Variants in GSKIP observed in about 807,000 individuals in gnomAD.
GSKIP encodes the protein GSK3B-interacting protein.
A neutral mutation model predicts 11.9 loss-of-function variants in GSKIP; 5 were observed. The observed-to-expected ratio is 0.42, with a 90% CI of 0.22 to 0.89. GSKIP has a LOEUF of 0.89. GSKIP is among the 40% of genes least tolerant of loss of function. GSKIP has a pLI of 0.29. For missense variants in GSKIP, 150 were observed against 166.6 expected (o/e 0.90, Z 0.55); for synonymous variants, 70 against 62.9 (o/e 1.11, Z -0.54).
chr14:96,377,002 A>G (rs1889220213), intron 1 of GSKIP, among the ~76,000 whole-genome samples: 1 of 152,202 alleles, frequency 6.6e-6, no homozygotes, highest in Non-Finnish European at 1.5e-5. Context: ...TGCTACTCAT[A>G]TATAAAGTTT....
At chr14:96,383,722 C>G (rs554079305) in intron 3 of GSKIP, among the ~76,000 whole-genome samples, 2 of 152,246 alleles carry the variant, frequency 1.3e-5, no homozygotes, top group African/African-American at 4.8e-5. Flanking sequence ...TCTGTACTAC[C>G]CTCAGTTCCC....
At chr14:96,367,864 G>T (rs1888935543) in intron 1 of GSKIP, among the ~76,000 whole-genome samples, 1 of 152,152 alleles carries the variant, frequency 6.6e-6, no homozygotes, top group Non-Finnish European at 1.5e-5. Context: ...AATAGCAATT[G>T]TCAAGTATTC....
chr14:96,380,914 G>A (rs189813182), intron 2 of GSKIP, among the ~76,000 whole-genome samples: 83 of 152,312 alleles, frequency 5.4e-4, no homozygotes, highest in South Asian at 1.2e-3. Context: ...TCTAACTCCA[G>A]TGTGGTGAGG....
At chr14:96,375,182 C>T (rs1274182589) in intron 1 of GSKIP, among the ~76,000 whole-genome samples, 1 of 151,588 alleles carries the variant, frequency 6.6e-6, no homozygotes, top group African/African-American at 2.4e-5. Context: ...TAATAAGAAC[C>T]AAAAGATATA....
rs1423874343 is a variant in GSKIP, at chr14:96,385,806, A to G, written c.*122A>G. 2.8e-6 allele frequency: 2 copies of G among 717,944 alleles called. No homozygotes were observed. Among genetic ancestry groups the G allele is most frequent in the Non-Finnish European group, 4.5e-6 (2 of 448,948 alleles). The allele number at this position is 717,944 out of a possible 1,614,324, so 44.5% of individuals were successfully genotyped here. On this transcript the variant is annotated 3_prime_UTR_variant, in exon 4 of 4. Coordinates refer to ENST00000555181, the MANE Select transcript of GSKIP (RefSeq NM_016472.5). ...TTTGTGTTTTTATCACTTGCTTCCA[A>G]CTTAGGCTTTTGGCTCAGAAGATTA...
intron 1 of GSKIP, among the ~76,000 whole-genome samples, chr14:96,378,233 A>C (rs1188090332): frequency 1.3e-5 from 2 of 152,140 alleles, no homozygotes; most frequent in Non-Finnish European, 2.9e-5. Flanking sequence ...ACCCACCTGC[A>C]GTCCCAACTA....
chr14:96,366,670 G>C (rs1191411043), intron 1 of GSKIP, among the ~76,000 whole-genome samples: 1 of 152,194 alleles, frequency 6.6e-6, no homozygotes, highest in East Asian at 1.9e-4. Context: ...AGGCCGGAAG[G>C]ATCACCTGAG....
chr14:96,363,808 C>T (rs1308653520), intron 1 of GSKIP: 2 of 152,426 alleles, frequency 1.3e-5, no homozygotes, highest in Non-Finnish European at 2.9e-5. Context: ...GAAACGCACA[C>T]TTGGGGCTCC....
intron 1 of GSKIP, among the ~76,000 whole-genome samples, chr14:96,368,506 A>G (rs1888959499): frequency 6.6e-6 from 1 of 152,204 alleles, no homozygotes; most frequent in Non-Finnish European, 1.5e-5. Flanking sequence ...AAAAACTCAA[A>G]TTAACCCTGT....
intron 1 of GSKIP, chr14:96,363,898 C>G (rs1452143578): frequency 6.6e-6 from 1 of 152,348 alleles, no homozygotes; most frequent in African/African-American, 2.4e-5. Flanking sequence ...CCATTGTCAG[C>G]AAGTTCTTCG....
chr14:96,385,386 A>G (rs113764900), intron 3 of GSKIP, 137 bp from the exon 4 acceptor site: 4 of 617,592 alleles, frequency 6.5e-6, no homozygotes, highest in African/African-American at 5.6e-5. Context: ...TCAGTTACCC[A>G]TGTATCTGGT....
At chr14:96,378,364 G>A (rs1204240027) in intron 1 of GSKIP, among the ~76,000 whole-genome samples, 1 of 152,116 alleles carries the variant, frequency 6.6e-6, no homozygotes, top group Non-Finnish European at 1.5e-5. Flanking sequence ...AGGAAGAGCA[G>A]AAAAAGAAGT....
At chr14:96,371,457 T>C (rs1457375973) in intron 1 of GSKIP, among the ~76,000 whole-genome samples, 7 of 149,484 alleles carry the variant, frequency 4.7e-5, no homozygotes, top group Admixed American at 4.0e-4. Context: ...TTTTTTTTTT[T>C]TTTTTGAGAC....
intron 1 of GSKIP, chr14:96,364,101 G>C (rs1888789621): frequency 6.6e-6 from 1 of 152,326 alleles, no homozygotes; most frequent in African/African-American, 2.4e-5. Context: ...TCCTGACCCC[G>C]CCGGAACCTG....
intron 1 of GSKIP, among the ~76,000 whole-genome samples, chr14:96,374,934 ACTTAT>A (rs546526327): frequency 1.0e-3 from 157 of 151,892 alleles, no homozygotes; most frequent in African/African-American, 3.4e-3. Flanking sequence ...ATATAAAAAG[ACTTAT>A]CTAATCTCTC....
intron 3 of GSKIP, among the ~76,000 whole-genome samples, chr14:96,384,403 A>G (rs559432742): frequency 1.2e-4 from 19 of 152,264 alleles, no homozygotes; most frequent in African/African-American, 4.3e-4. Flanking sequence ...TTAAAAAAAA[A>G]AAAACTCAGC....
In GSKIP at chr14:96,385,570, C is replaced by A; in HGVS notation, c.306C>A (p.Pro102=). 6.2e-7 allele frequency: 1 copy of A among 1,612,870 alleles called. No homozygotes were observed. The highest frequency in any genetic ancestry group is 1.1e-5 in the South Asian group (1 of 91,022). ...AGGTAGATGATCATTTACAGACTCC[C>A]TACCATGAAACAGTCTACTCCTTGT... ...FDQVDDHLQT[P]YHETVYSLLD... Residue 102 remains proline (P), a synonymous_variant, in exon 4 of 4, where the codon CCC becomes CCA. Transcript: ENST00000555181.
intron 1 of GSKIP, among the ~76,000 whole-genome samples, chr14:96,378,024 G>C (rs1889248071): frequency 6.6e-6 from 1 of 152,194 alleles, no homozygotes. Context: ...CATGTAAACT[G>C]CTTAGCACCT....
At chr14:96,372,185 A>G (rs892733042) in intron 1 of GSKIP, among the ~76,000 whole-genome samples, 18 of 152,178 alleles carry the variant, frequency 1.2e-4, no homozygotes, top group African/African-American at 4.1e-4. Flanking sequence ...GAGTCTTTGT[A>G]TACTCCTTGT....
Sources: allele counts gnomAD v4.1 joint callset (sites outside exome capture counted in the v4.1 genomes callset), GRCh38; gene constraint gnomAD v4.1.1; transcripts MANE v1.5; gene names NCBI Gene and HGNC (gene_info 2026-07-23, HGNC 2026-07-21).